The following GPBP1L1 variants were observed in gnomAD, a reference collection of about 807,000 sequenced individuals.
The protein encoded by GPBP1L1 is vasculin-like protein 1.
In GPBP1L1, 23 loss-of-function variants were observed where a neutral mutation model predicts 52.5. The ratio of observed to expected loss-of-function variants is 0.44; its 90% CI spans 0.32 to 0.62. The LOEUF (loss-of-function observed/expected upper bound fraction) is 0.62. Ranked by LOEUF, GPBP1L1 falls within the 20% of genes least tolerant of loss-of-function variation. The pLI, the probability that GPBP1L1 is intolerant of heterozygous loss-of-function variation, is 0.06. For synonymous variants in GPBP1L1, 243 were observed against 203.1 expected (o/e 1.20, Z -1.67); for missense variants, 596 against 579.3 (o/e 1.03, Z -0.30).
At position 45,659,123 on chromosome 1, in the gene GPBP1L1, T is replaced by C; in HGVS notation, c.-36A>G. On this transcript the variant is annotated 5_prime_UTR_variant, in exon 4 of 13. The change abolishes an upstream ATG in the 5' untranslated region. Coordinates refer to ENST00000355105, the MANE Select transcript of GPBP1L1 (RefSeq NM_021639.5). ...TGTCTCCTTTCAGTAAGGTGAGGCATCCAACCTCATGGCCAGGATCTGAAA... is the reference window on the plus strand; with the variant it reads ...TGTCTCCTTTCAGTAAGGTGAGGCACCCAACCTCATGGCCAGGATCTGAAA... 6.2e-7 allele frequency: 1 copy of C among 1,609,798 alleles called. No individual in the cohort carries two copies. Among genetic ancestry groups the C allele is most frequent in the South Asian group, 1.1e-5 (1 of 90,804 alleles).
chr1:45,630,689 G>C, intron 10 of GPBP1L1, 83 bp from the exon 11 acceptor site: 1 of 1,468,526 alleles, frequency 6.8e-7, no homozygotes, highest in Non-Finnish European at 9.2e-7. Flanking sequence ...AAGGACTCAC[G>C]ACCCAGGAAG....
rs555358735 is a variant in GPBP1L1 at position 45,680,179 on chromosome 1, T to C, written c.-1098+5397A>G. On this transcript the variant is annotated intron_variant, in intron 2 of 12. Transcript: ENST00000355105. ...GCTATTTGTAACATTTTCAAAACTA[T>C]AGTTTTTTTAAACAAATGAGTGATT... Among the ~76,000 whole-genome samples, 13 of 152,054 alleles carry C rather than the reference T, an allele frequency of 8.5e-5. No homozygotes were observed. In the South Asian group the frequency reaches 2.5e-3, roughly 29 times the overall value.
chr1:45,655,452 G>A, intron 4 of GPBP1L1, 133 bp from the exon 5 acceptor site: 1 of 949,488 alleles, frequency 1.1e-6, no homozygotes, highest in Non-Finnish European at 1.6e-6. Flanking sequence ...TAAGCATATG[G>A]ACCCTAAGGG....
intron 12 of GPBP1L1, 111 bp downstream of exon 12, chr1:45,629,465 C>CA (rs1316228022): frequency 1.7e-4 from 26 of 149,082 alleles, no homozygotes; most frequent in East Asian, 1.2e-3. Context: ...CCCCCCCCCC[C>CA]CCACCCGATC....
intron 8 of GPBP1L1, among the ~76,000 whole-genome samples, chr1:45,638,833 G>A (rs964347005): frequency 8.5e-5 from 13 of 152,152 alleles, no homozygotes; most frequent in African/African-American, 3.1e-4. Flanking sequence ...AGGATGGCAT[G>A]CGCCAGAAGA....
intron 2 of GPBP1L1, among the ~76,000 whole-genome samples, chr1:45,674,471 T>C (rs1241596622): frequency 6.6e-6 from 1 of 152,226 alleles, no homozygotes; most frequent in Non-Finnish European, 1.5e-5. Flanking sequence ...TAACATATCC[T>C]GATCTTCTCC....
At chr1:45,644,276 T>G (rs1195106726) in intron 6 of GPBP1L1, among the ~76,000 whole-genome samples, 1 of 152,254 alleles carries the variant, frequency 6.6e-6, no homozygotes, top group Non-Finnish European at 1.5e-5. Context: ...GTTGTTTCCT[T>G]GTTTCATTTT....
chr1:45,648,987 G>A (rs998548522), intron 6 of GPBP1L1, among the ~76,000 whole-genome samples: 7 of 152,202 alleles, frequency 4.6e-5, no homozygotes, highest in African/African-American at 1.7e-4. Flanking sequence ...CCAAGATCGC[G>A]CCATTGCACT....
At position 45,628,322 on chromosome 1, in the gene GPBP1L1, T is replaced by C. The variant is rs370823552; in HGVS notation, c.1359A>G (p.Ala453=). The part of the protein sequence containing the change: ...LFSPWRSTCK[A]EFEDSDTETS... ...TTTCGGTGTCTGAGTCCTCAAACTC[T>C]GCTTTGCAAGTGCTTCTCCAAGGGG... is the stretch of plus-strand genomic sequence containing the variant. The change falls in exon 13 of 13, where the codon GCA becomes GCG. Residue 453 remains alanine (A), a synonymous_variant. Coordinates refer to ENST00000355105, the MANE Select transcript of GPBP1L1 (RefSeq NM_021639.5). 14 of 1,614,082 alleles carry C rather than the reference T, an allele frequency of 8.7e-6. No homozygotes were observed. Among genetic ancestry groups the C allele is most frequent in the Admixed American group, 1.7e-5 (1 of 60,010 alleles).
At chr1:45,686,173 G>T (rs1453135463) in intron 1 of GPBP1L1, among the ~76,000 whole-genome samples, 3 of 152,262 alleles carry the variant, frequency 2.0e-5, no homozygotes, top group Non-Finnish European at 4.4e-5. Context: ...GCGCTTTCGC[G>T]GAGCCCCGGC....
rs1167817590 is a variant in GPBP1L1, at chr1:45,640,289, G to C, written c.665C>G (p.Ala222Gly). The C allele has an allele frequency of 6.2e-7, 1 of 1,614,106 alleles. No homozygotes were observed. The highest frequency in any genetic ancestry group is 1.3e-5 in the African/African-American group (1 of 75,036). ...CACGGATGACAATTTGTTCCCATTT[G>C]CATGGTGAGATCCTGGTGAGGTGAA... ...AAFTSPGSHH[A>G]NGNKLSSVVP... Residue 222 changes from alanine (A) to glycine (G), a missense_variant, in exon 8 of 13, where the codon GCA becomes GGA. Coordinates refer to ENST00000355105, the MANE Select transcript of GPBP1L1 (RefSeq NM_021639.5).
At chr1:45,645,522 G>GTT (rs199817967) in intron 6 of GPBP1L1, among the ~76,000 whole-genome samples, 3 of 151,726 alleles carry the variant, frequency 2.0e-5, no homozygotes, top group Non-Finnish European at 4.4e-5. Context: ...AAAATGTTTT[G>GTT]TTTTTTTTGG....
intron 6 of GPBP1L1, among the ~76,000 whole-genome samples, chr1:45,653,086 A>G (rs1644838643): frequency 6.6e-6 from 1 of 152,244 alleles, no homozygotes; most frequent in Non-Finnish European, 1.5e-5. Flanking sequence ...ACCTGGGAAT[A>G]GGAATTCACA....
intron 6 of GPBP1L1, among the ~76,000 whole-genome samples, chr1:45,652,793 C>G (rs1438538907): frequency 1.3e-5 from 2 of 151,964 alleles, no homozygotes; most frequent in Admixed American, 1.3e-4. Flanking sequence ...TAGGTGCACG[C>G]CACCCATGTC....
intron 4 of GPBP1L1, among the ~76,000 whole-genome samples, chr1:45,658,466 G>A (rs1243026404): frequency 1.3e-5 from 2 of 152,160 alleles, no homozygotes; most frequent in Non-Finnish European, 2.9e-5. Flanking sequence ...AATGAAAAAA[G>A]TGAGATACTT....
intron 6 of GPBP1L1, chr1:45,651,464 C>G (rs1644818413): frequency 2.3e-6 from 1 of 433,910 alleles, no homozygotes; most frequent in Non-Finnish European, 4.2e-6. Flanking sequence ...TTGCTGGCAG[C>G]TTTCTTCTCA....
chr1:45,669,643 T>C (rs759407224), intron 2 of GPBP1L1, among the ~76,000 whole-genome samples: 13 of 151,244 alleles, frequency 8.6e-5, no homozygotes, highest in Non-Finnish European at 1.5e-4. Context: ...CCTGCCAAAA[T>C]TGAGAAAATG....
chr1:45,684,272 A>AAAAAAG, intron 2 of GPBP1L1, among the ~76,000 whole-genome samples: 1 of 150,958 alleles, frequency 6.6e-6, no homozygotes. Flanking sequence ...AAAAAAAAAA[A>AAAAAAG]AAAAAGAAAA....
chr1:45,630,258 A>G (rs1002721354), intron 11 of GPBP1L1, among the ~76,000 whole-genome samples: 8 of 152,120 alleles, frequency 5.3e-5, no homozygotes, highest in African/African-American at 1.9e-4. Context: ...GCCTGAAGTT[A>G]AAAGTATTAA....
Sources: gnomAD v4.1 joint callset for allele counts (sites outside exome capture counted in the v4.1 genomes callset) on GRCh38, gnomAD v4.1.1 for gene constraint, MANE v1.5 for transcripts, NCBI Gene and HGNC (gene_info 2026-07-23, HGNC 2026-07-21) for gene names.